The following PCDHA1 variants were observed in gnomAD, a reference collection of about 807,000 sequenced individuals.
The protein encoded by PCDHA1 is protocadherin alpha-1.
Under a neutral mutation model 61.3 loss-of-function variants are expected in PCDHA1, and 42 were observed. The observed-to-expected ratio is 0.69, with a 90% CI of 0.54 to 0.89. PCDHA1 has a LOEUF of 0.89. Ranked by LOEUF, PCDHA1 falls within the 40% of genes least tolerant of loss-of-function variation. The pLI is 0.00. For synonymous variants in PCDHA1, 610 were observed against 553.8 expected, an observed-to-expected ratio of 1.10 and a Z score of -1.43; for missense variants, 1,256 against 1,235.3, an observed-to-expected ratio of 1.02 and a Z score of -0.25.
chr5:140,967,779 C>G, intron 1 of PCDHA1: 1 of 1,614,222 alleles, frequency 6.2e-7, no homozygotes, highest in Non-Finnish European at 8.5e-7. Flanking sequence ...GTGCAGGCGA[C>G]TGACCGGGGT....
chr5:140,935,550 C>G (rs1419018426), intron 1 of PCDHA1, among the ~76,000 whole-genome samples: 2 of 152,156 alleles, frequency 1.3e-5, no homozygotes, highest in African/African-American at 4.8e-5. Flanking sequence ...TTTAAAGTAT[C>G]TTGGAAAAGT....
chr5:140,884,059 G>A, intron 1 of PCDHA1: 4 of 1,613,546 alleles, frequency 2.5e-6, no homozygotes, highest in Non-Finnish European at 3.4e-6. Context: ...TGCGCGCGGT[G>A]GACGCCGATT....
intron 1 of PCDHA1, among the ~76,000 whole-genome samples, chr5:140,944,651 C>T (rs1554216459): frequency 6.6e-6 from 1 of 152,152 alleles, no homozygotes; most frequent in Non-Finnish European, 1.5e-5. Context: ...ATTGGGAGTC[C>T]ATACCCCTTA....
At chr5:140,886,042 A>G (rs1450330062) in intron 1 of PCDHA1, among the ~76,000 whole-genome samples, 1 of 152,222 alleles carries the variant, frequency 6.6e-6, no homozygotes, top group African/African-American at 2.4e-5. Context: ...GTTTTCCCCA[A>G]TAGTAACATC....
At chr5:140,917,324 C>CGGT (rs2078038330) in intron 1 of PCDHA1, among the ~76,000 whole-genome samples, 1 of 76,126 alleles carries the variant, frequency 1.3e-5, no homozygotes, top group Admixed American at 1.5e-4. Flanking sequence ...GTTCATGTGG[C>CGGT]GGGGGAGGGG....
At chr5:140,865,089 T>C (rs1462427966) in intron 1 of PCDHA1, 2 of 152,250 alleles carry the variant, frequency 1.3e-5, no homozygotes, top group Admixed American at 1.3e-4. Context: ...GGGATATTAA[T>C]AAAGGCACTT....
At chr5:140,832,622 T>A (rs2150202867) in intron 1 of PCDHA1, among the ~76,000 whole-genome samples, 13 of 152,136 alleles carry the variant, frequency 8.5e-5, no homozygotes, top group African/African-American at 3.1e-4. Flanking sequence ...AAATGTTTTT[T>A]AAAAAGTTCC....
At position 140,788,472 on chromosome 5, in the gene PCDHA1, A is replaced by G. The variant is rs782460412; in HGVS notation, c.2182A>G (p.Thr728Ala). 1.9e-6 allele frequency: 3 copies of G among 1,614,086 alleles called. No homozygotes were observed. In the South Asian group the frequency reaches 3.3e-5, roughly 18 times the overall value. The part of the protein sequence containing the change: ...YTALRCSVPP[T>A]EGAYVPGKPT... ...GGCGCTGCGGTGCTCAGTGCCGCCC[A>G]CTGAGGGTGCGTATGTGCCGGGCAA... The change falls in exon 1 of 4, where the codon ACT (threonine) becomes GCT (alanine). Residue 728 changes from threonine (T) to alanine (A), a missense_variant. Thr to Ala is a moderately conservative substitution (Grantham distance 58). Transcript: ENST00000504120.
At chr5:140,886,680 G>A (rs1554182653) in intron 1 of PCDHA1, among the ~76,000 whole-genome samples, 1 of 151,946 alleles carries the variant, frequency 6.6e-6, no homozygotes, top group Non-Finnish European at 1.5e-5. Flanking sequence ...ACAAAAATTA[G>A]CGAGGCATGG....
At chr5:140,797,378 A>T (rs781813759) in intron 1 of PCDHA1, 1 of 1,597,616 alleles carries the variant, frequency 6.3e-7, no homozygotes, top group Non-Finnish European at 8.5e-7. Context: ...TTTCTTGCCA[A>T]TTCTAAAATT....
At chr5:140,894,957 T>C (rs530563833) in intron 1 of PCDHA1, among the ~76,000 whole-genome samples, 1 of 152,206 alleles carries the variant, frequency 6.6e-6, no homozygotes, top group African/African-American at 2.4e-5. Flanking sequence ...ATGATAAAAA[T>C]ATAATTTTTT....
chr5:140,967,769 G>A (rs1213232834), intron 1 of PCDHA1: 1 of 1,614,104 alleles, frequency 6.2e-7, no homozygotes, highest in Non-Finnish European at 8.5e-7. Flanking sequence ...CCAGATCTAT[G>A]TGCAGGCGAC....
intron 1 of PCDHA1, chr5:140,851,624 A>G (rs1224878154): frequency 1.1e-6 from 1 of 920,370 alleles, no homozygotes; most frequent in Non-Finnish European, 1.3e-6. Context: ...AATGCTTTTT[A>G]AACAAGTGTT....
rs782455687 is a variant in PCDHA1, at chr5:140,801,649, G to C, written c.2394+12965G>C. ...TCCGAATCCCGACAGCCTGGCTCTCGGTTTTCGCTAGAGGGCGCATCAGAT... is the reference window on the plus strand; with the variant it reads ...TCCGAATCCCGACAGCCTGGCTCTCCGTTTTCGCTAGAGGGCGCATCAGAT... On this transcript the variant is annotated intron_variant, in intron 1 of 3. Coordinates refer to ENST00000504120, the MANE Select transcript of PCDHA1 (RefSeq NM_018900.4). 3.1e-6 allele frequency: 5 copies of C among 1,614,130 alleles called. No homozygotes were observed. The South Asian group carries it at 5.5e-5, about 18-fold the overall frequency.
chr5:140,828,715 C>T, intron 1 of PCDHA1: 1 of 1,614,274 alleles, frequency 6.2e-7, no homozygotes, highest in Non-Finnish European at 8.5e-7. Flanking sequence ...CTCCTGCACA[C>T]AACTTATTCC....
intron 1 of PCDHA1, among the ~76,000 whole-genome samples, chr5:140,911,590 C>A (rs778543832): frequency 3.3e-5 from 5 of 152,156 alleles, no homozygotes; most frequent in Non-Finnish European, 4.4e-5. Context: ...TAGGAGGAAC[C>A]AACCAACTTC....
At chr5:140,830,467 T>A in intron 1 of PCDHA1, 2 of 1,572,686 alleles carry the variant, frequency 1.3e-6, no homozygotes, top group Non-Finnish European at 1.7e-6. Flanking sequence ...AGGATTTAAA[T>A]GAAGATCATG....
At chr5:140,841,383 T>C (rs1554138141) in intron 1 of PCDHA1, 11 of 1,613,486 alleles carry the variant, frequency 6.8e-6, no homozygotes, top group Non-Finnish European at 8.5e-6. Context: ...CTTCTGCTCC[T>C]CGCAGCCTGG....
In PCDHA1 at chr5:140,788,258, G is replaced by C; in HGVS notation, c.1968G>C (p.Glu656Asp). 6.2e-7 allele frequency: 1 copy of C among 1,613,954 alleles called. No individual in the cohort carries two copies. The highest frequency in any genetic ancestry group is 8.5e-7 in the Non-Finnish European group (1 of 1,179,922). Residue 656 changes from glutamate to aspartate, a missense_variant, in exon 1 of 4, where the codon GAG becomes GAC. Transcript: ENST00000504120. ...RLLVLVKDHG[E>D]PALTATATVL... is the part of the protein sequence containing the mutation. ...TGGTGCTAGTGAAGGATCACGGTGAGCCGGCGCTGACAGCCACGGCCACTG... is the reference window on the plus strand; with the variant it reads ...TGGTGCTAGTGAAGGATCACGGTGACCCGGCGCTGACAGCCACGGCCACTG...
Sources: allele counts gnomAD v4.1 joint callset (sites outside exome capture counted in the v4.1 genomes callset), GRCh38; gene constraint gnomAD v4.1.1; transcripts MANE v1.5; gene names NCBI Gene and HGNC (gene_info 2026-07-23, HGNC 2026-07-21).